RAB11FIP3: variants seen among roughly 807,000 people sequenced by gnomAD.
The protein encoded by RAB11FIP3 is RAB11 family interacting protein 3.
In RAB11FIP3, 17 loss-of-function variants were observed where a neutral mutation model predicts 77.8. That is an observed-to-expected ratio of 0.22 (90% CI 0.15 to 0.33). The LOEUF (loss-of-function observed/expected upper bound fraction) is 0.33. RAB11FIP3 is among the 10% of genes least tolerant of loss of function. RAB11FIP3 has a pLI of 1.00. For missense variants in RAB11FIP3, 1,005 were observed against 1,011.2 expected (o/e 0.99, Z 0.08); for synonymous variants, 437 against 448.2 (o/e 0.98, Z 0.31).
In RAB11FIP3 at chr16:426,364, G is replaced by T. The variant is rs753879553; in HGVS notation, c.358G>T (p.Asp120Tyr). 1.9e-6 allele frequency: 3 copies of T among 1,539,702 alleles called. No homozygotes were observed. In the Admixed American group the frequency reaches 5.8e-5, roughly 30 times the overall value. The change falls in exon 1 of 14, where the codon GAC becomes TAC. Residue 120 changes from aspartate to tyrosine, a missense_variant. By Grantham distance (160) the Asp-to-Tyr change is radical (BLOSUM62 -3). This residue lies in a region of RAB11FIP3 where 466 missense variants were observed against 408.3 expected (regional missense o/e 1.14). Transcript: ENST00000262305. This position sits in a 1 kb window ranked among gnomAD's most constrained non-coding sequence, Gnocchi z 5.0. The part of the protein sequence containing the change: ...PRSEAPLPEL[D>Y]PLFSWTEEPE... ...CTCCGAAGCGCCGCTTCCAGAACTC[G>T]ACCCGTTGTTCTCCTGGACTGAGGA...
At position 455,669 on chromosome 16, in the gene RAB11FIP3, C is replaced by T. The variant is rs574914061; in HGVS notation, c.715-5735C>T. 1.6e-4 allele frequency among the ~76,000 whole-genome samples: 25 copies of T among 152,102 alleles called. No individual in the cohort carries two copies. In the East Asian group the frequency reaches 4.3e-3, roughly 26 times the overall value. On this transcript the variant is annotated intron_variant, in intron 1 of 13. Transcript: ENST00000262305. ...GGAATGCAGTGACGCAATCATGGCT[C>T]GCTGCAGCCTCAACCTCCCAGGCTC...
Position 426,083 on chromosome 16 carries a change from G to C in RAB11FIP3, c.77G>C (p.Gly26Ala), listed in dbSNP as rs994211422. ...GPDPEPGGPD[G>A]PGAAQLAPGP... Reference sequence around the variant, plus strand: ...GACCCGGAGCCGGGCGGGCCGGACGGGCCGGGGGCGGCACAACTGGCTCCG... The same window carrying C: ...GACCCGGAGCCGGGCGGGCCGGACGCGCCGGGGGCGGCACAACTGGCTCCG... The change falls in exon 1 of 14, where the codon GGG (glycine) becomes GCG (alanine). Residue 26 changes from glycine (G) to alanine (A), a missense_variant. Coordinates refer to ENST00000262305, the MANE Select transcript of RAB11FIP3 (RefSeq NM_014700.4). This position sits in a 1 kb window ranked among gnomAD's most constrained non-coding sequence, Gnocchi z 5.0. 2 of 1,003,094 alleles carry C rather than the reference G, an allele frequency of 2.0e-6. No homozygotes were observed. The highest frequency in any genetic ancestry group is 5.0e-4 in the Middle Eastern group (1 of 2,002). The allele number at this position is 1,003,094 out of a possible 1,614,324, so 62.1% of individuals were successfully genotyped here.
chr16:474,759 T>C, intron 3 of RAB11FIP3: 1 of 1,330,812 alleles, frequency 7.5e-7, no homozygotes, highest in South Asian at 2.0e-5. Context: ...CACTCTGTTT[T>C]CAGCCCTGAC....
At chr16:478,045 C>T (rs181079310) in intron 3 of RAB11FIP3, among the ~76,000 whole-genome samples, 125 of 152,284 alleles carry the variant, frequency 8.2e-4, no homozygotes, top group Non-Finnish European at 3.5e-4. Flanking sequence ...AATAAAGGGG[C>T]CAAAGATGGA....
Position 507,887 on chromosome 16 carries a change from G to T in RAB11FIP3, c.1499+2260G>T, listed in dbSNP as rs532096558. Among the ~76,000 whole-genome samples the T allele has an allele frequency of 6.6e-6, 1 of 152,186 alleles. No individual in the cohort carries two copies. The highest frequency in any genetic ancestry group is 2.1e-4 in the South Asian group (1 of 4,808). Reference sequence around the variant, plus strand: ...TGCTCTCTAGCCCTACCATACAGCTGCCATCCTAAGAGTACGTTTCCCGTT... The same window carrying T: ...TGCTCTCTAGCCCTACCATACAGCTTCCATCCTAAGAGTACGTTTCCCGTT... On this transcript the variant is annotated intron_variant, in intron 8 of 13. Transcript: ENST00000262305. The surrounding 1 kb of genome is among the most constrained non-coding windows in gnomAD (Gnocchi z 4.6).
chr16:517,443 G>A (rs1000681210), intron 9 of RAB11FIP3, among the ~76,000 whole-genome samples: 1 of 152,038 alleles, frequency 6.6e-6, no homozygotes, highest in Non-Finnish European at 1.5e-5. Flanking sequence ...TGGGGCACAC[G>A]TGTACTCCCA....
At chr16:446,440 G>A (rs544690377) in intron 1 of RAB11FIP3, among the ~76,000 whole-genome samples, 19 of 152,284 alleles carry the variant, frequency 1.2e-4, no homozygotes, top group African/African-American at 4.6e-4. Context: ...GACATAAAGA[G>A]TGCTCCTTGG....
rs2141714680 is a variant in RAB11FIP3 at position 479,037 on chromosome 16, A to T, written c.904-3488A>T. On this transcript the variant is annotated intron_variant, in intron 3 of 13. Coordinates refer to ENST00000262305, the MANE Select transcript of RAB11FIP3 (RefSeq NM_014700.4). ...GTTCTTTAGTTTTGTGTTCATTTGT[A>T]TGATCCACAAATATTTACTATCTAC... is the stretch of plus-strand genomic sequence containing the variant. Among the ~76,000 whole-genome samples, 2 of 152,332 alleles carry T rather than the reference A, an allele frequency of 1.3e-5. 1 individual carries two copies. The highest frequency in any genetic ancestry group is 4.1e-4 in the South Asian group (2 of 4,828).
rs1184043220 is a variant in RAB11FIP3, at chr16:450,918, A to T, written c.715-10486A>T. On this transcript the variant is annotated intron_variant, in intron 1 of 13. Transcript: ENST00000262305. ...ACACACCTGCTTCTCCAGGGACCAGACCTGAAGTGCAGGAAGGAGCCCCGC... is the reference window on the plus strand; with the variant it reads ...ACACACCTGCTTCTCCAGGGACCAGTCCTGAAGTGCAGGAAGGAGCCCCGC... Among the ~76,000 whole-genome samples the T allele has an allele frequency of 2.1e-5, 3 of 145,814 alleles. No individual in the cohort carries two copies. The East Asian group carries it at 6.3e-4, about 31-fold the overall frequency.
chr16:432,602 T>TTTG (rs1555498181), intron 1 of RAB11FIP3, among the ~76,000 whole-genome samples: 2 of 143,926 alleles, frequency 1.4e-5, no homozygotes. Context: ...TTTTTTTTTT[T>TTTG]TGTGTGTGTG....
In RAB11FIP3 at chr16:426,282, G is replaced by A. The variant is rs1220511864; in HGVS notation, c.276G>A (p.Pro92=). 8.1e-7 allele frequency: 1 copy of A among 1,227,032 alleles called. No individual in the cohort carries two copies. Among genetic ancestry groups the A allele is most frequent in the East Asian group, 3.3e-5 (1 of 30,644 alleles). The allele number at this position is 1,227,032 out of a possible 1,614,324, so 76.0% of individuals were successfully genotyped here. A position where few individuals can be genotyped will look rare whatever the true frequency, so the allele number is the denominator to read the frequency against. ...ACCCCGGGCCGTCCGCCCCGCCGCC[G>A]CGCTCCGGCCCGCGGGGGCAGCTTG... The part of the protein sequence containing the change: ...PRDPGPSAPP[P]RSGPRGQLAS... The change falls in exon 1 of 14, where the codon CCG becomes CCA. Residue 92 remains proline (P), a synonymous_variant. Transcript: ENST00000262305. The surrounding 1 kb of genome is among the most constrained non-coding windows in gnomAD (Gnocchi z 5.0).
In RAB11FIP3 at chr16:475,591, C is replaced by T. The variant is rs556107297; in HGVS notation, c.903+4202C>T. Among the ~76,000 whole-genome samples the T allele has an allele frequency of 1.1e-4, 17 of 152,248 alleles. No homozygotes were observed. The South Asian group carries it at 1.2e-3, about 11-fold the overall frequency. On this transcript the variant is annotated intron_variant, in intron 3 of 13. Transcript: ENST00000262305. ...AGGCCTTGAACTGCAGAAACCAACC[C>T]GCAGGGCTGAATTGGGAAGTGAGCA...
At chr16:456,898 G>A (rs924067560) in intron 1 of RAB11FIP3, among the ~76,000 whole-genome samples, 3 of 151,968 alleles carry the variant, frequency 2.0e-5, no homozygotes, top group African/African-American at 4.8e-5. Flanking sequence ...CGTGCCATCG[G>A]CAGGTGAGCC....
At chr16:500,601 T>C (rs2031444611) in intron 6 of RAB11FIP3, among the ~76,000 whole-genome samples, 1 of 130,532 alleles carries the variant, frequency 7.7e-6, no homozygotes, top group African/African-American at 2.9e-5. Context: ...GGCAGGAGAA[T>C]GGCTTGAACC....
At chr16:462,350 T>C (rs1433462544) in intron 2 of RAB11FIP3, among the ~76,000 whole-genome samples, 2 of 152,178 alleles carry the variant, frequency 1.3e-5, no homozygotes, top group African/African-American at 4.8e-5. Flanking sequence ...GCTGGGATTA[T>C]AGGCACCCAC....
intron 4 of RAB11FIP3, among the ~76,000 whole-genome samples, chr16:483,442 C>T (rs527867985): frequency 6.6e-6 from 1 of 152,302 alleles, no homozygotes; most frequent in South Asian, 2.1e-4. Flanking sequence ...AGCTGACCAG[C>T]ATTCACATTA....
rs770275437 is a variant in RAB11FIP3 at position 496,889 on chromosome 16, A to C, written c.1301+30A>C. ...GTGGGTCTCTGGTTCCTGCTGAAAAACGTTCTGAAGTGGATAATTAATCAT... is the reference window on the plus strand; with the variant it reads ...GTGGGTCTCTGGTTCCTGCTGAAAACCGTTCTGAAGTGGATAATTAATCAT... On this transcript the variant is annotated intron_variant, in intron 6 of 13. Transcript: ENST00000262305. 2.4e-5 allele frequency: 37 copies of C among 1,537,944 alleles called. No homozygotes were observed. In the East Asian group the frequency reaches 7.6e-4, roughly 32 times the overall value.
intron 4 of RAB11FIP3, among the ~76,000 whole-genome samples, chr16:485,488 C>T (rs1365539587): frequency 6.6e-6 from 1 of 152,188 alleles, no homozygotes; most frequent in Non-Finnish European, 1.5e-5. Context: ...TCTTGGCTGA[C>T]TGCAACCTCT....
rs760096353 is a variant in RAB11FIP3 at position 505,616 on chromosome 16, G to C, written c.1488G>C (p.Gln496His). Residue 496 changes from glutamine (Q) to histidine (H), a missense_variant, in exon 8 of 14, where the codon CAG (glutamine) becomes CAC (histidine). Coordinates refer to ENST00000262305, the MANE Select transcript of RAB11FIP3 (RefSeq NM_014700.4). This position sits in a 1 kb window ranked among gnomAD's most constrained non-coding sequence, Gnocchi z 4.0. Reference protein sequence around the residue: ...QHSRLRQENLQLVHRANALEE... With the variant: ...QHSRLRQENLHLVHRANALEE... Reference sequence around the variant, plus strand: ...GCCGCCTGAGGCAGGAGAACCTGCAGCTGGTGCACAGGTGAGCCTGGGCCA... The same window carrying C: ...GCCGCCTGAGGCAGGAGAACCTGCACCTGGTGCACAGGTGAGCCTGGGCCA... 8.1e-6 allele frequency: 13 copies of C among 1,598,382 alleles called. No individual in the cohort carries two copies. In the Middle Eastern group the frequency reaches 1.5e-3, roughly 184 times the overall value.
Sources: allele counts gnomAD v4.1 joint callset (sites outside exome capture counted in the v4.1 genomes callset), GRCh38; gene constraint gnomAD v4.1.1; regional missense constraint gnomAD v4.1.1; non-coding constraint Gnocchi (gnomAD v3.1); transcripts MANE v1.5; gene names NCBI Gene and HGNC (gene_info 2026-07-23, HGNC 2026-07-21).